The following MAGI1 variants were observed in gnomAD, a reference collection of about 807,000 sequenced individuals.
The protein encoded by MAGI1 is membrane-associated guanylate kinase, WW and PDZ domain-containing protein 1.
MAGI1 carries 58 observed loss-of-function variants against 139.9 expected under a neutral mutation model. The ratio of observed to expected loss-of-function variants is 0.41; its 90% CI spans 0.34 to 0.52. The LOEUF is 0.52. Among genes scored for constraint, MAGI1 ranks in the 20% least tolerant of loss-of-function variants. The pLI is 0.12. For synonymous variants in MAGI1, 812 were observed against 737.9 expected (o/e 1.10, Z -1.63); for missense variants, 1,874 against 1,901.6 (o/e 0.99, Z 0.27).
chr3:65,502,093 G>A (rs1024849638), intron 2 of MAGI1, among the ~76,000 whole-genome samples: 3 of 152,144 alleles, frequency 2.0e-5, no homozygotes, highest in Non-Finnish European at 4.4e-5. Flanking sequence ...CTGCGGTGGT[G>A]GTTGCACGAC....
chr3:65,888,819 C>G (rs1283474536), intron 1 of MAGI1, among the ~76,000 whole-genome samples: 1 of 152,120 alleles, frequency 6.6e-6, no homozygotes, highest in Non-Finnish European at 1.5e-5. Context: ...ACCACAAAAT[C>G]TGACAGATGG....
intron 2 of MAGI1, among the ~76,000 whole-genome samples, chr3:65,499,377 C>T (rs186821012): frequency 1.4e-4 from 21 of 152,260 alleles, no homozygotes. Flanking sequence ...TGGCCAGGTG[C>T]AGTGGCTCAT....
At chr3:66,029,826 A>C (rs999515794) in intron 1 of MAGI1, among the ~76,000 whole-genome samples, 1 of 152,174 alleles carries the variant, frequency 6.6e-6, no homozygotes, top group African/African-American at 2.4e-5. Flanking sequence ...GACTTGGCTA[A>C]GTAAGGGATG....
At chr3:65,437,299 G>C (rs1346666143) in intron 9 of MAGI1, 52 bp from the exon 10 acceptor site, 3 of 1,153,726 alleles carry the variant, frequency 2.6e-6, no homozygotes, top group Non-Finnish European at 3.9e-6. Flanking sequence ...GGCTCATTGA[G>C]TTACTTATGA....
intron 14 of MAGI1, among the ~76,000 whole-genome samples, chr3:65,386,870 T>G (rs369796454): frequency 6.6e-4 from 101 of 152,298 alleles, no homozygotes; most frequent in African/African-American, 2.3e-3. Flanking sequence ...TTAGAAAGAA[T>G]GGACCCACCA....
At chr3:65,925,788 T>C (rs2062470822) in intron 1 of MAGI1, among the ~76,000 whole-genome samples, 1 of 152,128 alleles carries the variant, frequency 6.6e-6, no homozygotes. Flanking sequence ...CAAGCCATCC[T>C]CTCACCTCAG....
At chr3:65,603,300 G>A (rs983353721) in intron 2 of MAGI1, among the ~76,000 whole-genome samples, 4 of 152,156 alleles carry the variant, frequency 2.6e-5, no homozygotes, top group Admixed American at 6.5e-5. Context: ...GATCTCAGAT[G>A]AATATTTAAA....
intron 2 of MAGI1, among the ~76,000 whole-genome samples, chr3:65,546,791 T>A (rs534539847): frequency 6.6e-6 from 1 of 152,292 alleles, no homozygotes; most frequent in South Asian, 2.1e-4. Context: ...AGCTTTAAAA[T>A]TAACTTTGAA....
At chr3:65,981,095 A>G (rs1276052445) in intron 1 of MAGI1, among the ~76,000 whole-genome samples, 1 of 146,658 alleles carries the variant, frequency 6.8e-6, no homozygotes, top group African/African-American at 2.5e-5. Flanking sequence ...CGGGAGGCGG[A>G]GGTTGCAGAT....
intron 5 of MAGI1, among the ~76,000 whole-genome samples, chr3:65,462,452 G>A (rs938984372): frequency 6.6e-6 from 1 of 152,048 alleles, no homozygotes; most frequent in African/African-American, 2.4e-5. Flanking sequence ...TATTTCTGAG[G>A]CCTCTGTTCT....
rs752243923 is a variant in MAGI1, at chr3:65,364,674, T to C, written c.3342A>G (p.Gln1114=). ...GAGACATGGTGCTCACCTGTGTTGC[T>C]TGGGGTGCTTTGAACTCAAATTGAG... is the stretch of plus-strand genomic sequence containing the variant. ...QESQFEFKAP[Q]ATQEQDFYTV... is the part of the protein sequence containing the mutation. The change falls in exon 20 of 23, where the codon CAA becomes CAG. Residue 1114 remains glutamine (Q), a synonymous_variant. Transcript: ENST00000402939. 3.1e-6 allele frequency: 5 copies of C among 1,613,998 alleles called. No individual in the cohort carries two copies. Among genetic ancestry groups the C allele is most frequent in the Non-Finnish European group, 4.2e-6 (5 of 1,179,918 alleles).
rs1200060464 is a variant in MAGI1, at chr3:65,629,866, A to T, written c.314-7778T>A. Among the ~76,000 whole-genome samples, 3 of 152,290 alleles carry T rather than the reference A, an allele frequency of 2.0e-5. No individual in the cohort carries two copies. The East Asian group carries it at 5.8e-4, about 29-fold the overall frequency. On this transcript the variant is annotated intron_variant, in intron 1 of 22. Coordinates refer to ENST00000402939, the MANE Select transcript of MAGI1 (RefSeq NM_001033057.2). ...TTCTAGAAATGGATGGCGGTGACGG[A>T]TGCACAACAATATAAATGTACTTAA...
At chr3:65,520,464 C>T (rs9942112) in intron 2 of MAGI1, among the ~76,000 whole-genome samples, 27,577 of 152,042 alleles carry the variant, frequency 0.18, 2,541 homozygotes, top group South Asian at 0.27. Flanking sequence ...AGTCAGTTAC[C>T]TCATCTGCAA....
At chr3:65,749,404 A>T (rs1018014723) in intron 1 of MAGI1, among the ~76,000 whole-genome samples, 2 of 152,160 alleles carry the variant, frequency 1.3e-5, no homozygotes, top group Non-Finnish European at 2.9e-5. Flanking sequence ...TATTATTCTA[A>T]GTGAAGTGAC....
intron 5 of MAGI1, among the ~76,000 whole-genome samples, chr3:65,457,710 T>C (rs995723524): frequency 1.3e-5 from 2 of 152,164 alleles, no homozygotes; most frequent in Non-Finnish European, 2.9e-5. Flanking sequence ...GTGTAGAAGA[T>C]ACTTCGATAC....
At chr3:65,845,471 A>G (rs2058960161) in intron 1 of MAGI1, among the ~76,000 whole-genome samples, 1 of 152,188 alleles carries the variant, frequency 6.6e-6, no homozygotes, top group Non-Finnish European at 1.5e-5. Context: ...AATGCATGAG[A>G]TAATTCTCGT....
chr3:65,881,274 T>C (rs1039946869), intron 1 of MAGI1, among the ~76,000 whole-genome samples: 1 of 151,924 alleles, frequency 6.6e-6, no homozygotes, highest in Non-Finnish European at 1.5e-5. Flanking sequence ...GATAAGAGAG[T>C]ACCTGGTATT....
chr3:65,573,028 T>A lies in MAGI1; in HGVS notation c.430+48944A>T, dbSNP rs114046737. On this transcript the variant is annotated intron_variant, in intron 2 of 22. Coordinates refer to ENST00000402939, the MANE Select transcript of MAGI1 (RefSeq NM_001033057.2). ...AAGTAAAAAAAATGTTATACAGATA[T>A]GAAGACAAAGTTACTCATCTTATCC... is the stretch of plus-strand genomic sequence containing the variant. Among the ~76,000 whole-genome samples the A allele has an allele frequency of 1.8e-3, 269 of 152,226 alleles. 2 individuals are homozygous for A. Among genetic ancestry groups the A allele is most frequent in the Non-Finnish European group, 3.3e-3 (227 of 68,014 alleles).
At chr3:65,684,001 CA>C (rs1235259524) in intron 1 of MAGI1, among the ~76,000 whole-genome samples, 7,234 of 86,748 alleles carry the variant, frequency 0.083, 595 homozygotes, top group African/African-American at 0.25. Context: ...CCCATGTCTA[CA>C]AAAAAAAAAA....
Sources: gnomAD v4.1 joint callset for allele counts (sites outside exome capture counted in the v4.1 genomes callset) on GRCh38, gnomAD v4.1.1 for gene constraint, MANE v1.5 for transcripts, NCBI Gene and HGNC (gene_info 2026-07-23, HGNC 2026-07-21) for gene names.